The following EPAS1 variants were observed in gnomAD, a reference collection of about 807,000 sequenced individuals.
The protein encoded by EPAS1 is endothelial PAS domain protein 1.
Under a neutral mutation model 87.9 loss-of-function variants are expected in EPAS1, and 23 were observed. The ratio of observed to expected loss-of-function variants is 0.26; its 90% CI spans 0.19 to 0.37. The LOEUF is 0.37. Ranked by LOEUF, EPAS1 falls within the 10% of genes least tolerant of loss-of-function variation. The pLI is 1.00. For synonymous variants in EPAS1, 508 were observed against 444.3 expected (o/e 1.14, Z -1.80); for missense variants, 1,138 against 1,120.7 (o/e 1.02, Z -0.22).
intron 2 of EPAS1, among the ~76,000 whole-genome samples, chr2:46,353,763 G>A (rs1024400634): frequency 3.9e-5 from 6 of 152,238 alleles, no homozygotes; most frequent in Admixed American, 2.6e-4. Context: ...TCAGGTGTGC[G>A]TATGTGTATG....
rs571091277 is a variant in EPAS1, at chr2:46,382,719, A to G, written c.2461+121A>G. 77 of 1,319,854 alleles carry G rather than the reference A, an allele frequency of 5.8e-5. 1 individual carries two copies. In the African/African-American group the frequency reaches 7.4e-4, roughly 13 times the overall value. The allele number at this position is 1,319,854 out of a possible 1,614,324, so 81.8% of individuals were successfully genotyped here. ...ACAGGGAGGTGCTTGACTTGAAGTC[A>G]CCTATACAGGGCTCAGGTCTCCTTG... On this transcript the variant is annotated intron_variant, in intron 15 of 15. Coordinates refer to ENST00000263734, the MANE Select transcript of EPAS1 (RefSeq NM_001430.5).
At chr2:46,316,275 T>C (rs1415674450) in intron 1 of EPAS1, among the ~76,000 whole-genome samples, 1 of 152,184 alleles carries the variant, frequency 6.6e-6, no homozygotes, top group Non-Finnish European at 1.5e-5. Flanking sequence ...TTTTTTCTTT[T>C]TGAGACACAG....
At chr2:46,304,565 G>C (rs954814107) in intron 1 of EPAS1, among the ~76,000 whole-genome samples, 1 of 151,998 alleles carries the variant, frequency 6.6e-6, no homozygotes, top group Admixed American at 6.6e-5. Context: ...AAGCAGATAG[G>C]GATTGAAGAT....
intron 1 of EPAS1, among the ~76,000 whole-genome samples, chr2:46,344,404 G>A (rs1321597643): frequency 1.3e-5 from 2 of 152,222 alleles, no homozygotes; most frequent in African/African-American, 2.4e-5. Context: ...CCCTGATGAC[G>A]AGGTTATGTG....
At position 46,346,754 on chromosome 2, in the gene EPAS1, G is replaced by C. The variant is rs1440424739; in HGVS notation, c.27-119G>C. 1.9e-6 allele frequency: 2 copies of C among 1,033,534 alleles called. No homozygotes were observed. Among genetic ancestry groups the C allele is most frequent in the African/African-American group, 3.2e-5 (2 of 63,336 alleles). 64.0% of individuals were successfully genotyped at this position (1,033,534 alleles called of 1,614,324 possible). ...GGCTCAGACAACTGGTGTGAGCCCAGATCAGTCTAGTAAGGGAGTGTGGCT... is the reference window on the plus strand; with the variant it reads ...GGCTCAGACAACTGGTGTGAGCCCACATCAGTCTAGTAAGGGAGTGTGGCT... On this transcript the variant is annotated intron_variant, in intron 1 of 15. Coordinates refer to ENST00000263734, the MANE Select transcript of EPAS1 (RefSeq NM_001430.5). This position sits in a 1 kb window ranked among gnomAD's most constrained non-coding sequence, Gnocchi z 4.0.
chr2:46,336,435 C>T (rs139536517), intron 1 of EPAS1, among the ~76,000 whole-genome samples: 1 of 151,950 alleles, frequency 6.6e-6, no homozygotes, highest in Admixed American at 6.6e-5. Flanking sequence ...GCCAGGGACA[C>T]TGCTGGAAGA....
chr2:46,299,609 A>G (rs1160504440), intron 1 of EPAS1, among the ~76,000 whole-genome samples: 3 of 151,762 alleles, frequency 2.0e-5, no homozygotes, highest in African/African-American at 7.3e-5. Context: ...GAACTTGTGT[A>G]TTTTACAACT....
chr2:46,375,539 C>A lies in EPAS1; in HGVS notation c.887-151C>A, dbSNP rs7606559. 380,925 of 893,574 alleles carry A rather than the reference C, an allele frequency of 0.43. 88,184 individuals are homozygous for A. The highest frequency in any genetic ancestry group is 0.49 in the Non-Finnish European group (278,819 of 563,370). 55.4% of individuals were successfully genotyped at this position (893,574 alleles called of 1,614,324 possible). A position where few individuals can be genotyped will look rare whatever the true frequency, so the allele number is the denominator to read the frequency against. Reference sequence around the variant, plus strand: ...GGCTGAGGTGATCCCTAAGCTCCCTCCCAGGTCACTCTCCCTGGTCCTCAC... The same window carrying A: ...GGCTGAGGTGATCCCTAAGCTCCCTACCAGGTCACTCTCCCTGGTCCTCAC... On this transcript the variant is annotated intron_variant, in intron 7 of 15. Coordinates refer to ENST00000263734, the MANE Select transcript of EPAS1 (RefSeq NM_001430.5). The surrounding 1 kb of genome is among the most constrained non-coding windows in gnomAD (Gnocchi z 4.1).
chr2:46,356,248 T>G lies in EPAS1; in HGVS notation c.315T>G (p.Asp105Glu). The change falls in exon 3 of 16, where the codon GAT becomes GAG. Residue 105 changes from aspartate to glutamate, a missense_variant. This residue lies in a region of EPAS1 where 351 missense variants were observed against 417.1 expected (regional missense o/e 0.84). Coordinates refer to ENST00000263734, the MANE Select transcript of EPAS1 (RefSeq NM_001430.5). ...LEGFIAVVTQ[D>E]GDMIFLSENI... ...GTTTCATTGCCGTGGTGACCCAAGA[T>G]GGCGACATGATCTTTCTGTCAGAAA... is the stretch of plus-strand genomic sequence containing the variant. 6.2e-7 allele frequency: 1 copy of G among 1,612,422 alleles called. No individual in the cohort carries two copies. The highest frequency in any genetic ancestry group is 1.7e-5 in the Admixed American group (1 of 59,844).
At chr2:46,343,272 A>G (rs1442497403) in intron 1 of EPAS1, among the ~76,000 whole-genome samples, 3 of 152,168 alleles carry the variant, frequency 2.0e-5, no homozygotes, top group Non-Finnish European at 2.9e-5. Context: ...CCTAAGGTGA[A>G]TGGGTGCACA....
At chr2:46,361,198 G>T in intron 6 of EPAS1, 108 bp downstream of exon 6, 2 of 1,249,556 alleles carry the variant, frequency 1.6e-6, no homozygotes, top group Admixed American at 3.9e-5. Flanking sequence ...ACGTGGTATT[G>T]CCGGGTGCAT....
intron 1 of EPAS1, among the ~76,000 whole-genome samples, chr2:46,324,555 A>C (rs1683516373): frequency 1.3e-5 from 2 of 152,256 alleles, no homozygotes; most frequent in Admixed American, 6.5e-5. Context: ...TCTCTGGCCA[A>C]ACCAAGACAC....
intron 2 of EPAS1, among the ~76,000 whole-genome samples, chr2:46,350,298 T>C (rs2103619912): frequency 6.6e-6 from 1 of 152,326 alleles, no homozygotes; most frequent in South Asian, 2.1e-4. Flanking sequence ...CAATTTTGGC[T>C]CACTTTATAA....
At chr2:46,376,830 C>G in intron 9 of EPAS1, 77 bp downstream of exon 9, 1 of 1,468,900 alleles carries the variant, frequency 6.8e-7, no homozygotes. Context: ...ACAGGCCTCC[C>G]TGGCTGCAGC....
In EPAS1 at chr2:46,297,719, T is replaced by C; in HGVS notation, c.-193T>C. Reference sequence around the variant, plus strand: ...CGCAGGTTCCTCCCAGTCACCTTTCTCCACCCCCGCCCCCGCACCTAGCCC... The same window carrying C: ...CGCAGGTTCCTCCCAGTCACCTTTCCCCACCCCCGCCCCCGCACCTAGCCC... On this transcript the variant is annotated 5_prime_UTR_variant, in exon 1 of 16. Transcript: ENST00000263734. 1.6e-6 allele frequency: 1 copy of C among 635,656 alleles called. No homozygotes were observed. The highest frequency in any genetic ancestry group is 2.7e-6 in the Non-Finnish European group (1 of 373,404). The allele number at this position is 635,656 out of a possible 1,614,324, so 39.4% of individuals were successfully genotyped here.
intron 6 of EPAS1, among the ~76,000 whole-genome samples, chr2:46,361,920 A>G (rs1035453377): frequency 6.6e-6 from 1 of 152,164 alleles, no homozygotes; most frequent in Admixed American, 6.5e-5. Flanking sequence ...GGGACTGTGG[A>G]GCCTGATGAT....
At chr2:46,362,992 G>A (rs1035745725) in intron 6 of EPAS1, among the ~76,000 whole-genome samples, 3 of 148,442 alleles carry the variant, frequency 2.0e-5, no homozygotes, top group Admixed American at 6.6e-5. Flanking sequence ...TGGTGGTGGT[G>A]GTGGTGGTGG....
rs1685026778 is a variant in EPAS1 at position 46,386,435 on chromosome 2, TGAA to T, written c.*1777_*1779del. On this transcript the variant is annotated 3_prime_UTR_variant, in exon 16 of 16. Coordinates refer to ENST00000263734, the MANE Select transcript of EPAS1 (RefSeq NM_001430.5). ...TTACCCCACACAGGGTGGCAGAACT[TGAA>T]GGGTTACTGACGTGTAAATGCTGGT... The T allele has an allele frequency of 1.3e-5, 2 of 152,676 alleles. No homozygotes were observed. The highest frequency in any genetic ancestry group is 2.9e-5 in the Non-Finnish European group (2 of 68,040). The allele number at this position is 152,676 out of a possible 1,614,324, so 9.5% of individuals were successfully genotyped here. A position where few individuals can be genotyped will look rare whatever the true frequency, so the allele number is the denominator to read the frequency against.
intron 7 of EPAS1, among the ~76,000 whole-genome samples, chr2:46,372,243 T>C (rs1684641621): frequency 6.6e-6 from 1 of 152,068 alleles, no homozygotes; most frequent in South Asian, 2.1e-4. Flanking sequence ...CCAAGGGAAA[T>C]CTGCTTGGGT....
Sources: allele counts gnomAD v4.1 joint callset (sites outside exome capture counted in the v4.1 genomes callset), GRCh38; gene constraint gnomAD v4.1.1; regional missense constraint gnomAD v4.1.1; non-coding constraint Gnocchi (gnomAD v3.1); transcripts MANE v1.5; gene names NCBI Gene and HGNC (gene_info 2026-07-23, HGNC 2026-07-21).